DAB1: variants seen among roughly 807,000 people sequenced by gnomAD.
DAB1 encodes the protein DAB adaptor protein 1.
Under a neutral mutation model 64.6 loss-of-function variants are expected in DAB1, and 15 were observed. That is an observed-to-expected ratio of 0.23 (90% CI 0.16 to 0.36). DAB1 has a LOEUF of 0.36. Ranked by LOEUF, DAB1 falls within the 10% of genes least tolerant of loss-of-function variation. DAB1 has a pLI of 1.00. For missense variants in DAB1, 596 were observed against 706.7 expected (o/e 0.84, Z 1.78); for synonymous variants, 235 against 251.9 (o/e 0.93, Z 0.64).
chr1:58,486,212 T>G (rs1187170084), intron 3 of DAB1, among the ~76,000 whole-genome samples: 1 of 152,178 alleles, frequency 6.6e-6, no homozygotes, highest in Non-Finnish European at 1.5e-5. Context: ...AGCAGGACCT[T>G]ACCTACAGAA....
At chr1:58,400,815 GATA>G (rs771048654) in intron 3 of DAB1, among the ~76,000 whole-genome samples, 1 of 152,144 alleles carries the variant, frequency 6.6e-6, no homozygotes, top group East Asian at 1.9e-4. Context: ...ATTCACAATT[GATA>G]ATTATTATTT....
At chr1:57,132,863 G>C (rs1237779818) in intron 4 of DAB1, among the ~76,000 whole-genome samples, 2 of 152,088 alleles carry the variant, frequency 1.3e-5, no homozygotes, top group African/African-American at 4.8e-5. Flanking sequence ...CAATAAGACA[G>C]AGATAATAGG....
At chr1:58,006,087 C>T (rs1365194707) in intron 5 of DAB1, among the ~76,000 whole-genome samples, 1 of 152,188 alleles carries the variant, frequency 6.6e-6, no homozygotes, top group Non-Finnish European at 1.5e-5. Context: ...CTCAACTTCT[C>T]TGGGAGTCCC....
At chr1:57,102,328 G>C (rs916728444) in intron 4 of DAB1, among the ~76,000 whole-genome samples, 1 of 152,134 alleles carries the variant, frequency 6.6e-6, no homozygotes, top group Non-Finnish European at 1.5e-5. Flanking sequence ...TATTATGATG[G>C]CTTGAGATAA....
At chr1:58,187,504 C>G (rs984053913) in intron 4 of DAB1, among the ~76,000 whole-genome samples, 22 of 150,390 alleles carry the variant, frequency 1.5e-4, no homozygotes, top group African/African-American at 4.9e-4. Flanking sequence ...CTACAAAGCA[C>G]CCAGGAAAAT....
chr1:57,051,456 G>A (rs188232141), intron 9 of DAB1, among the ~76,000 whole-genome samples: 49 of 152,308 alleles, frequency 3.2e-4, no homozygotes, highest in African/African-American at 1.2e-3. Context: ...TTGTGGGGGG[G>A]AAGTAGGGAA....
chr1:58,521,226 G>A (rs1646257169), intron 2 of DAB1, among the ~76,000 whole-genome samples: 1 of 151,352 alleles, frequency 6.6e-6, no homozygotes, highest in Non-Finnish European at 1.5e-5. Context: ...GCGAAAACAA[G>A]AATACATTTT....
At chr1:58,025,651 G>GTGTATATATA (rs1264790564) in intron 5 of DAB1, among the ~76,000 whole-genome samples, 1,055 of 75,172 alleles carry the variant, frequency 0.014, 9 homozygotes, top group Non-Finnish European at 0.022. Flanking sequence ...ATATATGTGT[G>GTGTATATATA]TATATATATA....
chr1:57,965,802 T>C (rs1289812831), intron 5 of DAB1, among the ~76,000 whole-genome samples: 1 of 152,036 alleles, frequency 6.6e-6, no homozygotes, highest in Non-Finnish European at 1.5e-5. Flanking sequence ...GACAGGTAAA[T>C]GGAGAGCAGC....
At chr1:57,654,173 AT>A (rs1646289145) in intron 6 of DAB1, among the ~76,000 whole-genome samples, 1 of 152,084 alleles carries the variant, frequency 6.6e-6, no homozygotes, top group African/African-American at 2.4e-5. Context: ...CCATTTTTCT[AT>A]TGGGTTGTTA....
At chr1:57,269,278 G>T (rs1570113028) in intron 2 of DAB1, among the ~76,000 whole-genome samples, 1 of 152,118 alleles carries the variant, frequency 6.6e-6, no homozygotes, top group Non-Finnish European at 1.5e-5. Context: ...GCCTTGCCAT[G>T]CAGGGATGGA....
rs1661580813 is a variant in DAB1 at position 58,282,285 on chromosome 1, A to G, written n.309+61067T>C. 2.0e-5 allele frequency among the ~76,000 whole-genome samples: 3 copies of G among 152,210 alleles called. 1 individual carries two copies. In the South Asian group the frequency reaches 6.2e-4, roughly 32 times the overall value. ...CTTTTTAACTGGTACTTCCTTATTC[A>G]GTATGTCTCTCACTCACTTGACTGG... is the stretch of plus-strand genomic sequence containing the variant. On this transcript the variant is annotated intron_variant and non_coding_transcript_variant, in intron 4 of 20. Transcript: ENST00000485760.
intron 5 of DAB1, among the ~76,000 whole-genome samples, chr1:57,948,642 T>A (rs1645219461): frequency 6.6e-6 from 1 of 152,202 alleles, no homozygotes; most frequent in Non-Finnish European, 1.5e-5. Context: ...AGGCATTGAT[T>A]CAGGTCCCCA....
intron 2 of DAB1, among the ~76,000 whole-genome samples, chr1:57,203,710 A>G (rs902046501): frequency 1.1e-4 from 17 of 152,100 alleles, no homozygotes; most frequent in African/African-American, 3.6e-4. Context: ...ACTGGACTGC[A>G]TTGTCTCTAT....
chr1:57,102,445 A>G (rs1041301313), intron 4 of DAB1, among the ~76,000 whole-genome samples: 1 of 152,202 alleles, frequency 6.6e-6, no homozygotes, highest in African/African-American at 2.4e-5. Context: ...ATGCACTATA[A>G]TGATTCCATT....
chr1:57,677,437 C>T (rs879260516), intron 6 of DAB1, among the ~76,000 whole-genome samples: 8 of 152,146 alleles, frequency 5.3e-5, no homozygotes, highest in Non-Finnish European at 7.4e-5. Flanking sequence ...TATAGACACA[C>T]GGTGGTTGAG....
At chr1:58,441,687 C>T (rs756133547) in intron 3 of DAB1, among the ~76,000 whole-genome samples, 1 of 152,290 alleles carries the variant, frequency 6.6e-6, no homozygotes, top group African/African-American at 2.4e-5. Flanking sequence ...TTCCTACCAG[C>T]GTGCAAGATG....
At chr1:57,184,848 G>T (rs761316157) in intron 2 of DAB1, among the ~76,000 whole-genome samples, 9 of 152,094 alleles carry the variant, frequency 5.9e-5, no homozygotes, top group Non-Finnish European at 1.3e-4. Flanking sequence ...GTCAAGGATG[G>T]CTTCTCCCCA....
At chr1:57,969,302 C>T (rs115410498) in intron 5 of DAB1, among the ~76,000 whole-genome samples, 1,648 of 152,108 alleles carry the variant, frequency 0.011, 29 homozygotes, top group African/African-American at 0.038. Context: ...TTTAGAGCTT[C>T]ACAAATGTTA....
Sources: gnomAD v4.1 joint callset for allele counts (sites outside exome capture counted in the v4.1 genomes callset) on GRCh38, gnomAD v4.1.1 for gene constraint, MANE v1.5 for transcripts, NCBI Gene and HGNC (gene_info 2026-07-23, HGNC 2026-07-21) for gene names.